Variants in CDH7 observed in about 807,000 individuals in gnomAD.
CDH7 encodes the protein cadherin-7.
CDH7 carries 25 observed loss-of-function variants against 71.8 expected under a neutral mutation model. The ratio of observed to expected loss-of-function variants is 0.35; its 90% confidence interval spans 0.25 to 0.49. CDH7 has a LOEUF of 0.49. Ranked by LOEUF, CDH7 falls within the 20% of genes least tolerant of loss-of-function variation. CDH7 has a pLI of 0.99. For synonymous variants in CDH7, 381 were observed against 363.8 expected (o/e 1.05, Z -0.54); for missense variants, 862 against 974.6 (o/e 0.88, Z 1.54).
At chr18:65,807,662 G>A (rs1422603453) in intron 2 of CDH7, among the ~76,000 whole-genome samples, 1 of 152,186 alleles carries the variant, frequency 6.6e-6, no homozygotes. Flanking sequence ...GCGGCCCGGG[G>A]ACTGGAAGCT....
At position 65,880,674 on chromosome 18, in the gene CDH7, A is replaced by G. The variant is rs1490429888; in HGVS notation, c.2138A>G (p.Glu713Gly). 3 of 1,613,802 alleles carry G rather than the reference A, an allele frequency of 1.9e-6. No homozygotes were observed. The highest frequency in any genetic ancestry group is 2.5e-6 in the Non-Finnish European group (3 of 1,179,996). The change falls in exon 12 of 12, where the codon GAA becomes GGA. Residue 713 changes from glutamate (E) to glycine (G), a missense_variant. Transcript: ENST00000397968. ...GTCATCTTTAGGGAATTTATTTGGG[A>G]AAGATTAAAAGAAGCCGATGTTGAT... is the stretch of plus-strand genomic sequence containing the variant. ...DNVIFREFIW[E>G]RLKEADVDPG...
In CDH7 at chr18:65,862,817, C is replaced by T. The variant is rs138789170; in HGVS notation, c.1764C>T (p.Asp588=). ...TCCGCGTGTGTGACTGTGATGCTGA[C>T]GGCGTAGCCCAGACCTGCAATGCAG... is the stretch of plus-strand genomic sequence containing the variant. ...LTIRVCDCDA[D]GVAQTCNAEA... Residue 588 remains aspartate (D), a synonymous_variant, in exon 11 of 12, where the codon GAC becomes GAT. Transcript: ENST00000397968. The T allele has an allele frequency of 3.6e-3, 5,788 of 1,614,126 alleles. 15 individuals carry two copies. Among genetic ancestry groups the T allele is most frequent in the Non-Finnish European group, 4.4e-3 (5,184 of 1,179,992 alleles).
At position 65,781,856 on chromosome 18, in the gene CDH7, T is replaced by C. The variant is rs865987343; in HGVS notation, c.210+18804T>C. ...TTTCTTTCTTTCTTTCTTTCTTTCT[T>C]TCTTTCTTTCTCTCTCTCTCTCTGT... On this transcript the variant is annotated intron_variant, in intron 2 of 11. Transcript: ENST00000397968. Among the ~76,000 whole-genome samples the C allele has an allele frequency of 2.8e-3, 224 of 79,174 alleles. 16 individuals carry two copies. The highest frequency in any genetic ancestry group is 0.02 in the African/African-American group (198 of 10,062). 51.9% of individuals were successfully genotyped at this position (79,174 alleles called of 152,430 possible).
In CDH7 at chr18:65,782,033, C is replaced by T. The variant is rs371468637; in HGVS notation, c.210+18981C>T. Among the ~76,000 whole-genome samples, 59 of 36,010 alleles carry T rather than the reference C, an allele frequency of 1.6e-3. 16 individuals are homozygous for T. Among genetic ancestry groups the T allele is most frequent in the African/African-American group, 0.013 (41 of 3,046 alleles). 23.6% of individuals were successfully genotyped at this position (36,010 alleles called of 152,430 possible). On this transcript the variant is annotated intron_variant, in intron 2 of 11. Coordinates refer to ENST00000397968, the MANE Select transcript of CDH7 (RefSeq NM_004361.5). ...CTCTTTCTCTCTCTCTTTCTCCCTT[C>T]CTTCCTTCCTTCCTTCCTTCCTTCC...
chr18:65,805,920 A>T (rs1911301373), intron 2 of CDH7, among the ~76,000 whole-genome samples: 1 of 152,198 alleles, frequency 6.6e-6, no homozygotes, highest in African/African-American at 2.4e-5. Flanking sequence ...AATTAAAAAA[A>T]AAATGAGGTG....
Position 65,843,949 on chromosome 18 carries a change from G to A in CDH7, c.1119G>A (p.Glu373=), listed in dbSNP as rs1469489454. The change falls in exon 7 of 12, where the codon GAG becomes GAA. Residue 373 remains glutamate (E), a synonymous_variant. Coordinates refer to ENST00000397968, the MANE Select transcript of CDH7 (RefSeq NM_004361.5). ...AGATAATTGTGGAAGATGTAGATGA[G>A]CCCCCTGTGTTCTCTTCACCCTTGT... ...TVKIIVEDVD[E]PPVFSSPLYP... is the part of the protein sequence containing the mutation. 3 of 1,611,652 alleles carry A rather than the reference G, an allele frequency of 1.9e-6. No individual in the cohort carries two copies. The African/African-American group carries it at 4.0e-5, about 22-fold the overall frequency.
chr18:65,872,220 G>T (rs1215997730), intron 11 of CDH7, among the ~76,000 whole-genome samples: 2 of 152,114 alleles, frequency 1.3e-5, no homozygotes, highest in Non-Finnish European at 2.9e-5. Flanking sequence ...GTAAAAAAAA[G>T]GGCCACAAAG....
intron 4 of CDH7, among the ~76,000 whole-genome samples, chr18:65,819,832 G>C (rs1023457330): frequency 6.6e-6 from 1 of 151,288 alleles, no homozygotes; most frequent in Non-Finnish European, 1.5e-5. Flanking sequence ...CTCACAGCGT[G>C]AATCTCCCCA....
chr18:65,782,162 CTTCCTTTCTTTCTTTCTT>C lies in CDH7; in HGVS notation c.210+19112_210+19129del, dbSNP rs1910326702. On this transcript the variant is annotated intron_variant, in intron 2 of 11. Coordinates refer to ENST00000397968, the MANE Select transcript of CDH7 (RefSeq NM_004361.5). ...TCTTTCTTTCTTTCTTTCTTTCTTT[CTTCCTTTCTTTCTTTCTT>C]TCTTTCTTGACAGAGTCTCACTCCG... 6.6e-5 allele frequency among the ~76,000 whole-genome samples: 7 copies of C among 106,480 alleles called. 3 individuals are homozygous for C. The highest frequency in any genetic ancestry group is 3.4e-4 in the African/African-American group (7 of 20,500). The allele number at this position is 106,480 out of a possible 152,430, so 69.9% of individuals were successfully genotyped here.
At chr18:65,845,623 G>A (rs1912909496) in intron 7 of CDH7, among the ~76,000 whole-genome samples, 1 of 152,012 alleles carries the variant, frequency 6.6e-6, no homozygotes, top group Non-Finnish European at 1.5e-5. Context: ...ACAATTACTG[G>A]CATAGATTAG....
intron 6 of CDH7, among the ~76,000 whole-genome samples, chr18:65,842,455 T>G (rs1056752299): frequency 6.6e-6 from 1 of 151,768 alleles, no homozygotes; most frequent in Non-Finnish European, 1.5e-5. Context: ...AATATTTGTG[T>G]GCAAACATAT....
In CDH7 at chr18:65,782,859, TG is replaced by T. The variant is rs368198782; in HGVS notation, c.210+19808del. ...CCTAAGGCACATCACAGCCTTTTTGTGCCTAGGAACACTGGACAGCATTTCA... is the reference window on the plus strand; with the variant it reads ...CCTAAGGCACATCACAGCCTTTTTGTCCTAGGAACACTGGACAGCATTTCA... On this transcript the variant is annotated intron_variant, in intron 2 of 11. Transcript: ENST00000397968. 2.4e-3 allele frequency among the ~76,000 whole-genome samples: 368 copies of T among 152,320 alleles called. 1 individual carries two copies. The highest frequency in any genetic ancestry group is 8.4e-3 in the African/African-American group (351 of 41,564).
In CDH7 at chr18:65,841,949, A is replaced by C. The variant is rs182704873; in HGVS notation, c.982-1863A>C. On this transcript the variant is annotated intron_variant, in intron 6 of 11. Transcript: ENST00000397968. ...CTGAGTTTGTTAATACAATGTTGTC[A>C]TGGCAGTATTTTCTATGTGTCCCAA... Among the ~76,000 whole-genome samples the C allele has an allele frequency of 4.2e-4, 64 of 152,306 alleles. 1 individual carries two copies. The highest frequency in any genetic ancestry group is 4.2e-3 in the Admixed American group (64 of 15,276).
chr18:65,849,877 T>C (rs1913083510), intron 7 of CDH7, among the ~76,000 whole-genome samples: 1 of 152,026 alleles, frequency 6.6e-6, no homozygotes, highest in African/African-American at 2.4e-5. Context: ...AAAATACTTA[T>C]TGAGGGCCCA....
In CDH7 at chr18:65,789,856, A is replaced by G. The variant is rs141380252; in HGVS notation, c.211-19848A>G. Among the ~76,000 whole-genome samples the G allele has an allele frequency of 1.0e-3, 158 of 152,188 alleles. 2 individuals are homozygous for G. The highest frequency in any genetic ancestry group is 3.7e-3 in the African/African-American group (154 of 41,542). On this transcript the variant is annotated intron_variant, in intron 2 of 11. Transcript: ENST00000397968. The stretch of plus-strand genomic sequence containing the variant: ...CCTCTCACATAGTAGGTACTATTCA[A>G]TGAATGACAAATCCACTGTTTCTGG...
At chr18:65,810,938 A>G (rs1911511736) in intron 3 of CDH7, among the ~76,000 whole-genome samples, 1 of 152,186 alleles carries the variant, frequency 6.6e-6, no homozygotes, top group Admixed American at 6.5e-5. Context: ...AAGCATTTCT[A>G]GTGTTTATAT....
At chr18:65,849,393 T>C (rs376063339) in intron 7 of CDH7, among the ~76,000 whole-genome samples, 238 of 127,618 alleles carry the variant, frequency 1.9e-3, no homozygotes, top group African/African-American at 3.3e-3. Flanking sequence ...TCTTTTCTTT[T>C]CTTTTCTTTT....
Position 65,839,458 on chromosome 18 carries a change from A to C in CDH7, c.982-4354A>C, listed in dbSNP as rs560655408. On this transcript the variant is annotated intron_variant, in intron 6 of 11. Coordinates refer to ENST00000397968, the MANE Select transcript of CDH7 (RefSeq NM_004361.5). ...GGGATCCACACTCAAAAGCTAATTA[A>C]ATCCCACAGGTCCCACCTCCTAATG... is the stretch of plus-strand genomic sequence containing the variant. 1.8e-4 allele frequency among the ~76,000 whole-genome samples: 28 copies of C among 152,240 alleles called. No homozygotes were observed. In the South Asian group the frequency reaches 5.8e-3, roughly 32 times the overall value.
At chr18:65,838,167 G>A (rs1020563904) in intron 6 of CDH7, among the ~76,000 whole-genome samples, 3 of 151,868 alleles carry the variant, frequency 2.0e-5, no homozygotes, top group East Asian at 1.9e-4. Flanking sequence ...TGATCTGCCT[G>A]CTTTGGCCTC....
Sources: gnomAD v4.1 joint callset for allele counts (sites outside exome capture counted in the v4.1 genomes callset) on GRCh38, gnomAD v4.1.1 for gene constraint, MANE v1.5 for transcripts, NCBI Gene and HGNC (gene_info 2026-07-23, HGNC 2026-07-21) for gene names.